GRIP1: variants seen among roughly 807,000 people sequenced by gnomAD.
The protein encoded by GRIP1 is glutamate receptor interacting protein 1.
In GRIP1, 45 loss-of-function variants were observed where a neutral mutation model predicts 129.9. The observed-to-expected ratio is 0.35, with a 90% confidence interval of 0.27 to 0.44. The LOEUF (loss-of-function observed/expected upper bound fraction) is 0.44, where lower values mean the gene tolerates loss of function less well. Ranked by LOEUF, GRIP1 falls within the 20% of genes least tolerant of loss-of-function variation. The pLI, the probability that GRIP1 is intolerant of heterozygous loss-of-function variation, is 1.00. For missense variants in GRIP1, 1,196 were observed against 1,396.8 expected, an observed-to-expected ratio of 0.86 and a Z score of 2.29; for synonymous variants, 530 against 520.8, an observed-to-expected ratio of 1.02 and a Z score of -0.24.
intron 2 of GRIP1, among the ~76,000 whole-genome samples, chr12:66,552,676 AG>A: frequency 6.6e-6 from 1 of 152,338 alleles, no homozygotes; most frequent in East Asian, 1.9e-4. Flanking sequence ...TTTTGAGAAA[AG>A]GGAAGAAAAG....
At chr12:66,528,265 G>T (rs2061331926) in intron 5 of GRIP1, among the ~76,000 whole-genome samples, 1 of 151,090 alleles carries the variant, frequency 6.6e-6, no homozygotes, top group Admixed American at 6.6e-5. Flanking sequence ...CTCCTGAGTA[G>T]CTGGGACTAC....
At chr12:66,450,321 A>AG (rs1565750734) in intron 11 of GRIP1, among the ~76,000 whole-genome samples, 1 of 148,874 alleles carries the variant, frequency 6.7e-6, no homozygotes, top group African/African-American at 2.5e-5. Flanking sequence ...AAAAAAAAAA[A>AG]AAAAAAAAAA....
At chr12:66,449,044 C>A (rs1281179098) in intron 11 of GRIP1, among the ~76,000 whole-genome samples, 1 of 152,184 alleles carries the variant, frequency 6.6e-6, no homozygotes, top group East Asian at 1.9e-4. Flanking sequence ...GTGCCCTCTG[C>A]CACTCAGCTC....
At chr12:66,538,753 C>A (rs1399046030) in intron 4 of GRIP1, among the ~76,000 whole-genome samples, 1 of 151,662 alleles carries the variant, frequency 6.6e-6, no homozygotes, top group Admixed American at 6.6e-5. Context: ...CAGGTGTGCA[C>A]CACCATGCCC....
intron 1 of GRIP1, among the ~76,000 whole-genome samples, chr12:66,801,016 T>G (rs920754338): frequency 6.6e-6 from 1 of 151,964 alleles, no homozygotes; most frequent in Non-Finnish European, 1.5e-5. Flanking sequence ...GAAAAACAAT[T>G]CCCTCAGGAT....
At chr12:66,577,389 T>A (rs1010300091) in intron 2 of GRIP1, among the ~76,000 whole-genome samples, 12 of 152,340 alleles carry the variant, frequency 7.9e-5, no homozygotes, top group African/African-American at 2.6e-4. Context: ...ATGTGGAGTT[T>A]CCAATAGTGA....
chr12:66,351,995 G>A (rs1174048976), intron 24 of GRIP1, among the ~76,000 whole-genome samples: 2 of 152,202 alleles, frequency 1.3e-5, no homozygotes, highest in Non-Finnish European at 1.5e-5. Flanking sequence ...GGCAGGTAAG[G>A]CCTAGGGATT....
intron 1 of GRIP1, among the ~76,000 whole-genome samples, chr12:66,762,124 G>T (rs1480088609): frequency 6.6e-6 from 1 of 152,182 alleles, no homozygotes; most frequent in Non-Finnish European, 1.5e-5. Flanking sequence ...GGTCTCCATG[G>T]TTTTGCTCTT....
intron 1 of GRIP1, among the ~76,000 whole-genome samples, chr12:67,063,005 T>G (rs1440218713): frequency 6.6e-6 from 1 of 152,250 alleles, no homozygotes; most frequent in African/African-American, 2.4e-5. Flanking sequence ...TAGTTGCCAT[T>G]ACTGAACTCC....
chr12:66,705,711 T>A (rs1046827338), intron 1 of GRIP1, among the ~76,000 whole-genome samples: 3 of 152,028 alleles, frequency 2.0e-5, no homozygotes, highest in Non-Finnish European at 4.4e-5. Flanking sequence ...AACAGACATA[T>A]AGACCAATGG....
At chr12:66,982,374 A>G (rs2042251562) in intron 1 of GRIP1, among the ~76,000 whole-genome samples, 1 of 152,130 alleles carries the variant, frequency 6.6e-6, no homozygotes, top group African/African-American at 2.4e-5. Flanking sequence ...TCATGTCCTT[A>G]TATATTCCCC....
intron 9 of GRIP1, among the ~76,000 whole-genome samples, chr12:66,462,070 A>C (rs2059152349): frequency 6.6e-6 from 1 of 152,184 alleles, no homozygotes; most frequent in Admixed American, 6.5e-5. Flanking sequence ...AGATGGTATA[A>C]ACACCCAGCA....
intron 1 of GRIP1, among the ~76,000 whole-genome samples, chr12:66,845,801 A>C (rs1269969794): frequency 2.0e-4 from 31 of 152,186 alleles, no homozygotes; most frequent in Non-Finnish European, 4.6e-4. Context: ...AAAAGCCTGA[A>C]CAAGAGGACT....
At chr12:66,738,104 G>T (rs1313153438) in intron 1 of GRIP1, among the ~76,000 whole-genome samples, 1 of 152,202 alleles carries the variant, frequency 6.6e-6, no homozygotes, top group Non-Finnish European at 1.5e-5. Context: ...TTGAAGGACT[G>T]GGAAGAAGTG....
chr12:66,799,934 T>C (rs969038689), intron 1 of GRIP1, among the ~76,000 whole-genome samples: 7 of 152,158 alleles, frequency 4.6e-5, no homozygotes, highest in Non-Finnish European at 1.0e-4. Context: ...TGTTTTTCAA[T>C]GACATGAAAG....
chr12:66,374,472 G>A (rs1316333589), intron 22 of GRIP1, among the ~76,000 whole-genome samples: 1 of 152,142 alleles, frequency 6.6e-6, no homozygotes, highest in Non-Finnish European at 1.5e-5. Flanking sequence ...ACAGGCCTGA[G>A]GCACCGCACC....
At chr12:66,932,187 T>C (rs978344050) in intron 1 of GRIP1, among the ~76,000 whole-genome samples, 1 of 152,138 alleles carries the variant, frequency 6.6e-6, no homozygotes, top group East Asian at 1.9e-4. Context: ...AAAAAGGTGG[T>C]AGGACCCAAG....
chr12:67,041,500 A>G (rs752717894), intron 1 of GRIP1, among the ~76,000 whole-genome samples: 1 of 152,106 alleles, frequency 6.6e-6, no homozygotes, highest in Non-Finnish European at 1.5e-5. Context: ...TATTAAATCC[A>G]ATGAACTTGG....
chr12:67,052,772 GGGAGGGAGGGAGGGAC>G (rs199957118), intron 1 of GRIP1, among the ~76,000 whole-genome samples: 3,004 of 148,998 alleles, frequency 0.02, 120 homozygotes, highest in African/African-American at 0.071. Flanking sequence ...AATGAAGGGA[GGGAGGGAGGGAGGGAC>G]GGAGGGAGGG....
Sources: gnomAD v4.1 joint callset for allele counts (sites outside exome capture counted in the v4.1 genomes callset) on GRCh38, gnomAD v4.1.1 for gene constraint, MANE v1.5 for transcripts, NCBI Gene and HGNC (gene_info 2026-07-23, HGNC 2026-07-21) for gene names.